The following HMGB1 variants were observed in gnomAD, a reference collection of about 807,000 sequenced individuals.
The protein encoded by HMGB1 is high mobility group protein B1.
For missense variants in HMGB1, 79 were observed against 253.5 expected, an observed-to-expected ratio of 0.31 and a Z score of 4.67; for synonymous variants, 81 against 84.0, an observed-to-expected ratio of 0.96 and a Z score of 0.19.
chr13:30,490,846 G>A (rs960283591), intron 1 of HMGB1, among the ~76,000 whole-genome samples: 3 of 151,882 alleles, frequency 2.0e-5, no homozygotes, highest in Admixed American at 6.6e-5. Flanking sequence ...TCCTGAAGAC[G>A]TGCTTTTCTC....
chr13:30,524,509 A>C (rs1888319538), intron 1 of HMGB1, among the ~76,000 whole-genome samples: 1 of 151,776 alleles, frequency 6.6e-6, no homozygotes, highest in South Asian at 2.1e-4. Context: ...AGGAGAGGGA[A>C]TGAATGCAGG....
intron 1 of HMGB1, among the ~76,000 whole-genome samples, chr13:30,573,901 AAC>A (rs1408117905): frequency 1.3e-5 from 2 of 152,142 alleles, no homozygotes; most frequent in Non-Finnish European, 2.9e-5. Flanking sequence ...TGATCTACCC[AAC>A]TCAGCCTCCC....
At chr13:30,577,046 A>G (rs1360938002) in intron 1 of HMGB1, among the ~76,000 whole-genome samples, 2 of 152,154 alleles carry the variant, frequency 1.3e-5, no homozygotes, top group African/African-American at 2.4e-5. Flanking sequence ...CAGTGTCCTT[A>G]TAAGAAGAGA....
intron 1 of HMGB1, among the ~76,000 whole-genome samples, chr13:30,534,383 G>A (rs1389981418): frequency 1.3e-5 from 2 of 152,106 alleles, no homozygotes; most frequent in African/African-American, 2.4e-5. Flanking sequence ...AAATGGATGC[G>A]AGCACAATAT....
In HMGB1 at chr13:30,484,816, GGAAGA is replaced by G. The variant is rs777632111; in HGVS notation, c.-14-21127_-14-21123del. On this transcript the variant is annotated intron_variant, in intron 1 of 4. Transcript: ENST00000405805. Reference sequence around the variant, plus strand: ...AGAAGAGAAGGGAAGAAAAGAGAAGGGAAGAGAAGAGAAGAGAAGGGAAGATGACA... The same window carrying G: ...AGAAGAGAAGGGAAGAAAAGAGAAGGGAAGAGAAGAGAAGGGAAGATGACA... Among the ~76,000 whole-genome samples the G allele has an allele frequency of 1.6e-4, 24 of 151,628 alleles. 1 individual carries two copies. The highest frequency in any genetic ancestry group is 1.1e-3 in the Admixed American group (16 of 15,200).
chr13:30,580,584 G>T (rs17074758), intron 1 of HMGB1, among the ~76,000 whole-genome samples: 1 of 152,132 alleles, frequency 6.6e-6, no homozygotes, highest in African/African-American at 2.4e-5. Flanking sequence ...AATATTTATT[G>T]AGCATCTCCT....
chr13:30,599,688 C>G (rs1871775608), intron 1 of HMGB1, among the ~76,000 whole-genome samples: 1 of 152,150 alleles, frequency 6.6e-6, no homozygotes, highest in African/African-American at 2.4e-5. Context: ...TGTCTCCCCA[C>G]GTATCCAAAT....
intron 1 of HMGB1, among the ~76,000 whole-genome samples, chr13:30,606,191 T>C (rs1215893739): frequency 6.6e-6 from 1 of 152,208 alleles, no homozygotes; most frequent in African/African-American, 2.4e-5. Flanking sequence ...TTTTCTATTC[T>C]AGAAGGATAG....
At chr13:30,554,745 C>T in intron 1 of HMGB1, 1 of 768,828 alleles carries the variant, frequency 1.3e-6, no homozygotes, top group Non-Finnish European at 2.4e-6. Flanking sequence ...CACCACAGCT[C>T]AGAAGGTGCA....
intron 1 of HMGB1, among the ~76,000 whole-genome samples, chr13:30,498,616 G>C (rs1293233502): frequency 7.0e-6 from 1 of 143,340 alleles, no homozygotes; most frequent in African/African-American, 2.6e-5. Context: ...TCTAGGCAAA[G>C]GAATCAGCAA....
chr13:30,505,346 T>G (rs1267430671), intron 1 of HMGB1, among the ~76,000 whole-genome samples: 1 of 151,810 alleles, frequency 6.6e-6, no homozygotes, highest in Non-Finnish European at 1.5e-5. Flanking sequence ...GCCTGGCTAA[T>G]TTTTTGTATT....
intron 1 of HMGB1, among the ~76,000 whole-genome samples, chr13:30,588,089 A>G (rs142392280): frequency 6.6e-6 from 1 of 152,340 alleles, no homozygotes; most frequent in African/African-American, 2.4e-5. Context: ...TAAGAAACAA[A>G]CATTTATTGA....
At chr13:30,484,406 C>T (rs1447732905) in intron 1 of HMGB1, among the ~76,000 whole-genome samples, 1 of 152,222 alleles carries the variant, frequency 6.6e-6, no homozygotes, top group East Asian at 1.9e-4. Context: ...CTACCAACTA[C>T]TCTATACCTG....
At chr13:30,551,279 G>A (rs1279098083) in intron 1 of HMGB1, among the ~76,000 whole-genome samples, 2 of 151,886 alleles carry the variant, frequency 1.3e-5, no homozygotes, top group Non-Finnish European at 2.9e-5. Context: ...TTTTTCCTCC[G>A]CAAGTCTTCC....
rs796784775 is a variant in HMGB1 at position 30,564,489 on chromosome 13, A to AAAC, written c.-15+52179_-15+52181dup. Reference sequence around the variant, plus strand: ...AGTCTCAAAAAACAAACAAACAAACAAACAAACCGCTGCCCTGTGCTTGGA... The same window carrying AAAC: ...AGTCTCAAAAAACAAACAAACAAACAAACAACAAACCGCTGCCCTGTGCTTGGA... On this transcript the variant is annotated intron_variant, in intron 1 of 4. Transcript: ENST00000405805. Among the ~76,000 whole-genome samples, 138 of 152,114 alleles carry AAAC rather than the reference A, an allele frequency of 9.1e-4. 2 individuals are homozygous for AAAC. The highest frequency in any genetic ancestry group is 3.3e-3 in the African/African-American group (135 of 41,500).
intron 1 of HMGB1, among the ~76,000 whole-genome samples, chr13:30,556,441 G>A (rs777538612): frequency 6.6e-6 from 1 of 152,144 alleles, no homozygotes; most frequent in Non-Finnish European, 1.5e-5. Context: ...ATAGTATAAC[G>A]AAGAGATATC....
chr13:30,593,123 T>C (rs1871440550), intron 1 of HMGB1, among the ~76,000 whole-genome samples: 1 of 152,016 alleles, frequency 6.6e-6, no homozygotes, highest in East Asian at 1.9e-4. Context: ...CAGCCAGAGT[T>C]TTTTCTTTGC....
At chr13:30,616,164 C>A (rs1950559749) in intron 1 of HMGB1, among the ~76,000 whole-genome samples, 1 of 152,146 alleles carries the variant, frequency 6.6e-6, no homozygotes. Context: ...CTTTATAAGT[C>A]TTGTACTACC....
intron 3 of HMGB1, 122 bp from the exon 4 acceptor site, chr13:30,462,834 G>A: frequency 2.7e-6 from 2 of 743,488 alleles, no homozygotes; most frequent in Non-Finnish European, 4.5e-6. Flanking sequence ...TGGACAGGGT[G>A]CAAATACTAT....
Sources: allele counts gnomAD v4.1 joint callset (sites outside exome capture counted in the v4.1 genomes callset), GRCh38; gene constraint gnomAD v4.1.1; transcripts MANE v1.5; gene names NCBI Gene and HGNC (gene_info 2026-07-23, HGNC 2026-07-21).